CPXM2: variants seen among roughly 807,000 people sequenced by gnomAD.
CPXM2 encodes inactive carboxypeptidase-like protein X2.
In CPXM2, 66 loss-of-function variants were observed where a neutral mutation model predicts 86.1. The ratio of observed to expected loss-of-function variants is 0.77; its 90% CI spans 0.63 to 0.94. The LOEUF (loss-of-function observed/expected upper bound fraction) is 0.94, where lower values mean the gene tolerates loss of function less well. CPXM2 is among the 40% of genes least tolerant of loss of function. The pLI, the probability that CPXM2 is intolerant of heterozygous loss-of-function variation, is 0.00. For missense variants in CPXM2, 948 were observed against 1,026.3 expected (o/e 0.92, Z 1.04); for synonymous variants, 388 against 400.2 (o/e 0.97, Z 0.36).
intron 4 of CPXM2, among the ~76,000 whole-genome samples, chr10:123,810,149 C>G (rs1364828055): frequency 6.6e-6 from 1 of 151,748 alleles, no homozygotes; most frequent in Non-Finnish European, 1.5e-5. Context: ...GAGATAAAGA[C>G]AGTCATTACA....
intron 1 of CPXM2, among the ~76,000 whole-genome samples, chr10:123,883,928 T>C (rs375516740): frequency 6.6e-6 from 1 of 152,190 alleles, no homozygotes; most frequent in East Asian, 1.9e-4. Flanking sequence ...AGCATCTCCA[T>C]CTGGGCCGCG....
chr10:123,799,603 T>C (rs893369284), intron 4 of CPXM2, among the ~76,000 whole-genome samples: 3 of 152,180 alleles, frequency 2.0e-5, no homozygotes, highest in Admixed American at 1.3e-4. Context: ...TGGGTAAAGG[T>C]TGCAAACCGG....
chr10:123,877,385 G>A (rs1945005458), intron 2 of CPXM2, among the ~76,000 whole-genome samples: 1 of 152,180 alleles, frequency 6.6e-6, no homozygotes, highest in Admixed American at 6.5e-5. Flanking sequence ...AACTCTTAAT[G>A]GCACACAATT....
intron 6 of CPXM2, among the ~76,000 whole-genome samples, chr10:123,796,501 C>A (rs1847338488): frequency 1.3e-5 from 2 of 152,034 alleles, no homozygotes; most frequent in Admixed American, 6.5e-5. Flanking sequence ...ATAAAACACA[C>A]AAAAAATATG....
At position 123,754,953 on chromosome 10, in the gene CPXM2, A is replaced by G. The variant is rs1279850305; in HGVS notation, c.1918-191T>C. Among the ~76,000 whole-genome samples, 1 of 152,226 alleles carries G rather than the reference A, an allele frequency of 6.6e-6. No homozygotes were observed. The highest frequency in any genetic ancestry group is 1.5e-5 in the Non-Finnish European group (1 of 68,030). On this transcript the variant is annotated intron_variant, in intron 12 of 13. Coordinates refer to ENST00000241305, the MANE Select transcript of CPXM2 (RefSeq NM_198148.3). The surrounding 1 kb of genome is among the most constrained non-coding windows in gnomAD (Gnocchi z 4.0). ...ACTGCATTGTTGGGTTCAATTAACA[A>G]GGGCGAGGTCTTAATGTAAGAAAAG... is the stretch of plus-strand genomic sequence containing the variant.
At chr10:123,817,971 C>T (rs978689537) in intron 4 of CPXM2, among the ~76,000 whole-genome samples, 1 of 152,194 alleles carries the variant, frequency 6.6e-6, no homozygotes. Context: ...CAATTACATA[C>T]TGATACATGG....
intron 1 of CPXM2, among the ~76,000 whole-genome samples, chr10:123,882,392 G>A (rs766402196): frequency 9.2e-5 from 14 of 152,120 alleles, no homozygotes; most frequent in African/African-American, 1.4e-4. Context: ...GGAACATCCC[G>A]GCTGGTGGGA....
At chr10:123,790,875 G>A (rs1847191453) in intron 6 of CPXM2, among the ~76,000 whole-genome samples, 1 of 152,156 alleles carries the variant, frequency 6.6e-6, no homozygotes, top group Non-Finnish European at 1.5e-5. Context: ...TTTGGGAAAG[G>A]CCAGTTATGA....
intron 1 of CPXM2, among the ~76,000 whole-genome samples, chr10:123,884,289 G>A (rs529630059): frequency 6.6e-6 from 1 of 152,260 alleles, no homozygotes; most frequent in African/African-American, 2.4e-5. Context: ...CAGCATTAAG[G>A]CTAAATCACC....
In CPXM2 at chr10:123,899,633, G is replaced by A. The variant is rs567478899; in HGVS notation, n.175-19324C>T. ...GAAATTTGAGACCAGCCTGGACAAC[G>A]CAGTGAGACCCTGGGAGGAAGGGGA... On this transcript the variant is annotated intron_variant and non_coding_transcript_variant, in intron 2 of 19. Coordinates refer to the CPXM2 transcript ENST00000368854. 2.0e-3 allele frequency among the ~76,000 whole-genome samples: 298 copies of A among 152,316 alleles called. 1 individual carries two copies. The highest frequency in any genetic ancestry group is 2.5e-3 in the Non-Finnish European group (169 of 68,030).
chr10:123,843,970 T>G (rs1848442045), intron 3 of CPXM2, among the ~76,000 whole-genome samples: 1 of 152,218 alleles, frequency 6.6e-6, no homozygotes, highest in Non-Finnish European at 1.5e-5. Context: ...ATATTTTGTT[T>G]CTGCTGCCAA....
chr10:123,832,516 T>C (rs1027817233), intron 4 of CPXM2, among the ~76,000 whole-genome samples: 4 of 152,006 alleles, frequency 2.6e-5, no homozygotes, highest in Admixed American at 2.6e-4. Flanking sequence ...ACCAAATCTC[T>C]AATGAGATGG....
intron 2 of CPXM2, among the ~76,000 whole-genome samples, chr10:123,878,506 CGTGTGTGTGTGTGT>C (rs200009107): frequency 6.7e-5 from 9 of 134,878 alleles, no homozygotes; most frequent in East Asian, 2.2e-4. Flanking sequence ...CAAATTCAGA[CGTGTGTGTGTGTGT>C]GTGTGTGTGT....
intron 9 of CPXM2, 50 bp downstream of exon 9, chr10:123,768,476 G>A: frequency 6.7e-7 from 1 of 1,488,082 alleles, no homozygotes; most frequent in Non-Finnish European, 9.2e-7. Flanking sequence ...CTCTGGAGCT[G>A]GGGCCTCGCT....
intron 2 of CPXM2, among the ~76,000 whole-genome samples, chr10:123,909,423 T>C (rs6599629): frequency 0.18 from 27,837 of 152,158 alleles, 3,631 homozygotes; most frequent in African/African-American, 0.37. Flanking sequence ...AATTAACTAG[T>C]GCCATGCCCA....
chr10:123,762,454 T>A (rs1846369017), intron 10 of CPXM2, among the ~76,000 whole-genome samples: 1 of 152,218 alleles, frequency 6.6e-6, no homozygotes, highest in Non-Finnish European at 1.5e-5. Context: ...TATTAAGGAA[T>A]ATTTTATTTT....
In CPXM2 at chr10:123,865,780, T is replaced by G. The variant is rs1590081609; in HGVS notation, c.404-3057A>C. On this transcript the variant is annotated intron_variant, in intron 2 of 13. Coordinates refer to ENST00000241305, the MANE Select transcript of CPXM2 (RefSeq NM_198148.3). This position sits in a 1 kb window ranked among gnomAD's most constrained non-coding sequence, Gnocchi z 4.7. ...CAGGCAGGCTCGCCCAGCTTCTGAG[T>G]TATGGGTTCTTCCAACTGCCTCCTC... Among the ~76,000 whole-genome samples, 1 of 152,162 alleles carries G rather than the reference T, an allele frequency of 6.6e-6. No homozygotes were observed. Among genetic ancestry groups the G allele is most frequent in the East Asian group, 1.9e-4 (1 of 5,168 alleles).
chr10:123,784,924 C>T (rs532320402), intron 6 of CPXM2, among the ~76,000 whole-genome samples: 1 of 152,320 alleles, frequency 6.6e-6, no homozygotes, highest in East Asian at 1.9e-4. Flanking sequence ...GGAAACACTT[C>T]AGCTATGACA....
intron 4 of CPXM2, among the ~76,000 whole-genome samples, chr10:123,832,865 G>T: frequency 6.6e-6 from 1 of 151,698 alleles, no homozygotes. Flanking sequence ...GTAGAGCAGA[G>T]CCCTCATGAA....
Sources: allele counts gnomAD v4.1 joint callset (sites outside exome capture counted in the v4.1 genomes callset), GRCh38; gene constraint gnomAD v4.1.1; non-coding constraint Gnocchi (gnomAD v3.1); transcripts MANE v1.5; gene names NCBI Gene and HGNC (gene_info 2026-07-23, HGNC 2026-07-21).